CDC42BPA: variants seen among roughly 807,000 people sequenced by gnomAD.
CDC42BPA encodes the protein serine/threonine-protein kinase MRCK alpha.
CDC42BPA carries 80 observed loss-of-function variants against 223.5 expected under a neutral mutation model. The observed-to-expected ratio is 0.36, with a 90% CI of 0.30 to 0.43. CDC42BPA has a LOEUF of 0.43. Among genes scored for constraint, CDC42BPA ranks in the 20% least tolerant of loss-of-function variants. The probability of loss-of-function intolerance (pLI) is 1.00; values close to 1 mark genes in which losing one functional copy is unlikely to be tolerated. For synonymous variants in CDC42BPA, 694 were observed against 718.6 expected (o/e 0.97, Z 0.55); for missense variants, 1,743 against 2,099.9 (o/e 0.83, Z 3.32).
At chr1:227,279,668 C>T (rs1303096966) in intron 1 of CDC42BPA, among the ~76,000 whole-genome samples, 1 of 152,112 alleles carries the variant, frequency 6.6e-6, no homozygotes, top group South Asian at 2.1e-4. Flanking sequence ...TGCCTTATCA[C>T]CCCAGAAATT....
intron 17 of CDC42BPA, among the ~76,000 whole-genome samples, chr1:227,080,139 T>G (rs1474939386): frequency 6.6e-6 from 1 of 152,110 alleles, no homozygotes; most frequent in Admixed American, 6.6e-5. Context: ...ATTTTCAGAT[T>G]AGGAATGCTC....
chr1:227,193,710 T>A, intron 5 of CDC42BPA, 76 bp downstream of exon 5: 1 of 1,151,184 alleles, frequency 8.7e-7, no homozygotes, highest in Non-Finnish European at 1.2e-6. Context: ...AATTAATAAA[T>A]CTGGCAAGAA....
At chr1:227,227,482 GGAAGA>G (rs1442425746) in intron 2 of CDC42BPA, among the ~76,000 whole-genome samples, 2 of 152,140 alleles carry the variant, frequency 1.3e-5, no homozygotes, top group Admixed American at 6.5e-5. Flanking sequence ...CTGTCAGTAT[GGAAGA>G]TCAGATACAT....
chr1:227,031,956 A>G (rs1455751867), intron 27 of CDC42BPA, among the ~76,000 whole-genome samples: 1 of 152,158 alleles, frequency 6.6e-6, no homozygotes, highest in Non-Finnish European at 1.5e-5. Flanking sequence ...TGGTGATGCA[A>G]AGAAATTAAA....
chr1:227,077,797 T>A (rs1679819961), intron 17 of CDC42BPA, among the ~76,000 whole-genome samples: 1 of 152,194 alleles, frequency 6.6e-6, no homozygotes, highest in Admixed American at 6.5e-5. Context: ...ACTTCAATGA[T>A]GCCATCATTT....
At chr1:227,312,793 T>G (rs1279588792) in intron 1 of CDC42BPA, among the ~76,000 whole-genome samples, 2 of 136,000 alleles carry the variant, frequency 1.5e-5, no homozygotes, top group Non-Finnish European at 3.2e-5. Context: ...GACTTCCCCT[T>G]TGTGTTGTGA....
intron 13 of CDC42BPA, 61 bp downstream of exon 13, chr1:227,112,610 T>C (rs1054793959): frequency 7.7e-5 from 110 of 1,425,426 alleles, no homozygotes; most frequent in Non-Finnish European, 9.1e-5. Context: ...ATATTACTAG[T>C]CTCAAAAAGC....
intron 1 of CDC42BPA, among the ~76,000 whole-genome samples, chr1:227,287,001 C>T (rs1688915840): frequency 7.4e-6 from 1 of 135,568 alleles, no homozygotes; most frequent in African/African-American, 2.8e-5. Flanking sequence ...GGACACCAAG[C>T]CATTCATGAA....
chr1:227,097,450 T>C (rs537428044), intron 15 of CDC42BPA, among the ~76,000 whole-genome samples: 22 of 152,322 alleles, frequency 1.4e-4, no homozygotes, highest in African/African-American at 5.3e-4. Context: ...AGTGTTACAG[T>C]AGGCAGTCAG....
chr1:227,288,020 T>C (rs890306950), intron 1 of CDC42BPA, among the ~76,000 whole-genome samples: 1 of 152,306 alleles, frequency 6.6e-6, no homozygotes, highest in Middle Eastern at 3.4e-3. Context: ...TCCATTAGCC[T>C]TTTCCCTTTG....
At chr1:227,246,505 T>C (rs1252860631) in intron 2 of CDC42BPA, among the ~76,000 whole-genome samples, 1 of 151,368 alleles carries the variant, frequency 6.6e-6, no homozygotes, top group Non-Finnish European at 1.5e-5. Flanking sequence ...ATCCCCAGAG[T>C]TCCAGGTGGC....
chr1:227,226,868 G>A (rs776612559), intron 2 of CDC42BPA, among the ~76,000 whole-genome samples: 14 of 152,044 alleles, frequency 9.2e-5, no homozygotes, highest in Admixed American at 2.6e-4. Flanking sequence ...AAGAATTCCT[G>A]AAATCTAAGG....
At chr1:227,160,462 T>C (rs1225282163) in intron 6 of CDC42BPA, 81 bp downstream of exon 6, 7 of 909,374 alleles carry the variant, frequency 7.7e-6, no homozygotes, top group Admixed American at 1.7e-5. Context: ...TATAAATAGA[T>C]GGTTTCTAAA....
At chr1:227,041,469 A>G (rs1207919522) in intron 23 of CDC42BPA, among the ~76,000 whole-genome samples, 1 of 152,230 alleles carries the variant, frequency 6.6e-6, no homozygotes, top group Non-Finnish European at 1.5e-5. Context: ...TGATTTTAAA[A>G]GGTTATCAAG....
intron 23 of CDC42BPA, among the ~76,000 whole-genome samples, chr1:227,041,224 GTT>G (rs1671306248): frequency 6.6e-6 from 1 of 152,102 alleles, no homozygotes; most frequent in African/African-American, 2.4e-5. Context: ...TGATGCTGAA[GTT>G]TAGGGCATGA....
In CDC42BPA at chr1:227,077,380, C is replaced by A. The variant is rs114847028; in HGVS notation, c.2481-3016G>T. On this transcript the variant is annotated intron_variant, in intron 17 of 36. Transcript: ENST00000366766. ...TTAATCAATAGAAGCTATTACTATA[C>A]ACAAATGAGCATTACTGAATGAGGA... Among the ~76,000 whole-genome samples, 652 of 152,252 alleles carry A rather than the reference C, an allele frequency of 4.3e-3. 5 individuals carry two copies. The highest frequency in any genetic ancestry group is 7.1e-3 in the Non-Finnish European group (480 of 68,002).
intron 2 of CDC42BPA, among the ~76,000 whole-genome samples, chr1:227,222,473 TG>T (rs1243590302): frequency 1.3e-5 from 2 of 152,132 alleles, no homozygotes; most frequent in African/African-American, 4.8e-5. Flanking sequence ...CACTCCAGCC[TG>T]GGGGACACAG....
chr1:227,202,037 G>A (rs1312329715), intron 3 of CDC42BPA, among the ~76,000 whole-genome samples: 1 of 152,106 alleles, frequency 6.6e-6, no homozygotes, highest in Admixed American at 6.5e-5. Context: ...AGGCTGGAGT[G>A]CAGTGGCGTG....
At chr1:227,027,699 G>A (rs1265803638) in intron 30 of CDC42BPA, among the ~76,000 whole-genome samples, 2 of 152,088 alleles carry the variant, frequency 1.3e-5, no homozygotes, top group Non-Finnish European at 2.9e-5. Flanking sequence ...CTTTTCCACT[G>A]CACCCCATGC....
Sources: allele counts gnomAD v4.1 joint callset (sites outside exome capture counted in the v4.1 genomes callset), GRCh38; gene constraint gnomAD v4.1.1; transcripts MANE v1.5; gene names NCBI Gene and HGNC (gene_info 2026-07-23, HGNC 2026-07-21).